FREM2: variants seen among roughly 807,000 people sequenced by gnomAD.
FREM2 encodes the protein FRAS1-related extracellular matrix protein 2.
In FREM2, 119 loss-of-function variants were observed where a neutral mutation model predicts 219.9. The ratio of observed to expected loss-of-function variants is 0.54; its 90% CI spans 0.47 to 0.63. The LOEUF is 0.63. Among genes scored for constraint, FREM2 ranks in the 30% least tolerant of loss-of-function variants. FREM2 has a pLI of 0.00. For missense variants in FREM2, 4,030 were observed against 3,993.6 expected, an observed-to-expected ratio of 1.01 and a Z score of -0.25; for synonymous variants, 1,562 against 1,522.8, an observed-to-expected ratio of 1.03 and a Z score of -0.60.
intron 6 of FREM2, among the ~76,000 whole-genome samples, chr13:38,805,107 T>C (rs570063978): frequency 6.6e-6 from 1 of 152,174 alleles, no homozygotes; most frequent in South Asian, 2.1e-4. Context: ...TCATTGGCAG[T>C]AGAGCCTGGA....
chr13:38,878,425 C>A, intron 22 of FREM2, 104 bp downstream of exon 22: 1 of 494,140 alleles, frequency 2.0e-6, no homozygotes, highest in Non-Finnish European at 3.5e-6. Context: ...ACACTATAGT[C>A]CCAGCACTTT....
intron 2 of FREM2, among the ~76,000 whole-genome samples, chr13:38,745,448 T>G (rs1477637527): frequency 6.6e-6 from 1 of 152,186 alleles, no homozygotes; most frequent in African/African-American, 2.4e-5. Context: ...ACCTCTTTAT[T>G]TTTCATTGTG....
intron 2 of FREM2, among the ~76,000 whole-genome samples, chr13:38,698,742 C>T (rs1429636560): frequency 6.6e-6 from 1 of 152,144 alleles, no homozygotes; most frequent in Non-Finnish European, 1.5e-5. Flanking sequence ...CTCAAAAATA[C>T]TGCATCCTTA....
At chr13:38,698,730 A>G (rs541148411) in intron 2 of FREM2, among the ~76,000 whole-genome samples, 4 of 152,320 alleles carry the variant, frequency 2.6e-5, no homozygotes, top group South Asian at 2.1e-4. Context: ...TATGTCGTCT[A>G]TCTCAAAAAT....
At position 38,692,497 on chromosome 13, in the gene FREM2, G is replaced by T. The variant is rs777698034; in HGVS notation, c.5153G>T (p.Ser1718Ile). 5.6e-6 allele frequency: 9 copies of T among 1,611,744 alleles called. 1 individual carries two copies. The South Asian group carries it at 9.9e-5, about 18-fold the overall frequency. ...YLLNLDKGNH[S>I]ITQFTQADID... is the part of the protein sequence containing the mutation. ...CTCAACCTGGACAAAGGCAACCACA[G>T]CATCACTCAGTTCACACAAGGTATG... The change falls in exon 1 of 24, where the codon AGC becomes ATC. Residue 1718 changes from serine (S) to isoleucine (I), a missense_variant. By Grantham distance (142) the Ser-to-Ile change is moderately radical. This residue lies in a region of FREM2 where 3,102 missense variants were observed against 2,950.7 expected (regional missense o/e 1.05). Transcript: ENST00000280481.
chr13:38,830,627 A>G (rs919315303), intron 6 of FREM2, among the ~76,000 whole-genome samples: 1 of 152,106 alleles, frequency 6.6e-6, no homozygotes, highest in African/African-American at 2.4e-5. Context: ...CCTGGCTCTC[A>G]CCTTAACTTC....
chr13:38,846,041 A>G (rs1440816772), intron 6 of FREM2, among the ~76,000 whole-genome samples: 1 of 152,174 alleles, frequency 6.6e-6, no homozygotes, highest in Non-Finnish European at 1.5e-5. Flanking sequence ...ACTAGCAATC[A>G]TATATTCAGT....
intron 4 of FREM2, among the ~76,000 whole-genome samples, chr13:38,774,149 C>T (rs1181742143): frequency 6.6e-6 from 1 of 152,008 alleles, no homozygotes; most frequent in Non-Finnish European, 1.5e-5. Context: ...CGTTGTTTTA[C>T]TTATCTTGTA....
chr13:38,864,233 G>A, intron 15 of FREM2, 42 bp from the exon 16 acceptor site: 1 of 1,485,686 alleles, frequency 6.7e-7, no homozygotes. Context: ...AAAATTCTTG[G>A]CTACTTGAAA....
rs372106078 is a variant in FREM2 at position 38,697,816 on chromosome 13, C to G, written c.5263+29C>G. The G allele has an allele frequency of 3.2e-6, 4 of 1,258,768 alleles. No homozygotes were observed. The Admixed American group carries it at 6.7e-5, about 21-fold the overall frequency. The allele number at this position is 1,258,768 out of a possible 1,614,324, so 78.0% of individuals were successfully genotyped here. A position where few individuals can be genotyped will look rare whatever the true frequency, so the allele number is the denominator to read the frequency against. On this transcript the variant is annotated intron_variant, in intron 2 of 23. Transcript: ENST00000280481. ...AGTATTCCCCTCTCCTGGTAGTGACCGCAAGGAGAGACGCTTTTCTTGGTT... is the reference window on the plus strand; with the variant it reads ...AGTATTCCCCTCTCCTGGTAGTGACGGCAAGGAGAGACGCTTTTCTTGGTT...
chr13:38,691,174 T>G lies in FREM2; in HGVS notation c.3830T>G (p.Phe1277Cys), dbSNP rs1437152125. The G allele has an allele frequency of 6.8e-6, 11 of 1,614,090 alleles. No individual in the cohort carries two copies. Among genetic ancestry groups the G allele is most frequent in the African/African-American group, 1.3e-5 (1 of 75,012 alleles). ...GACTCCGAGACCCAGGAAGACAGTTTTGTGATTAAACTAACAGATGGGAAG... is the reference window on the plus strand; with the variant it reads ...GACTCCGAGACCCAGGAAGACAGTTGTGTGATTAAACTAACAGATGGGAAG... ...HDDSETQEDS[F>C]VIKLTDGKHS... Residue 1277 changes from phenylalanine to cysteine, a missense_variant, in exon 1 of 24, where the codon TTT becomes TGT. Phe to Cys is a radical substitution (Grantham distance 205, BLOSUM62 -2). Coordinates refer to ENST00000280481, the MANE Select transcript of FREM2 (RefSeq NM_207361.6).
intron 6 of FREM2, among the ~76,000 whole-genome samples, chr13:38,814,183 A>G (rs1875662110): frequency 6.6e-6 from 1 of 152,034 alleles, no homozygotes; most frequent in African/African-American, 2.4e-5. Flanking sequence ...TTTCTCCAGG[A>G]TTGGTCCCTG....
intron 2 of FREM2, among the ~76,000 whole-genome samples, chr13:38,754,397 T>C (rs986729539): frequency 3.9e-5 from 6 of 152,078 alleles, no homozygotes; most frequent in African/African-American, 1.4e-4. Flanking sequence ...TTAAGCAAAT[T>C]AGAATTAAGC....
chr13:38,864,694 G>A (rs1877895273), intron 16 of FREM2, 88 bp downstream of exon 16: 1 of 1,159,490 alleles, frequency 8.6e-7, no homozygotes, highest in African/African-American at 1.5e-5. Flanking sequence ...CCCAACTCCA[G>A]TTTTCCATCT....
At chr13:38,779,815 T>C (rs1874043877) in intron 4 of FREM2, among the ~76,000 whole-genome samples, 1 of 152,220 alleles carries the variant, frequency 6.6e-6, no homozygotes, top group African/African-American at 2.4e-5. Flanking sequence ...TCTCAGTTCT[T>C]CACTCATGTG....
intron 6 of FREM2, among the ~76,000 whole-genome samples, chr13:38,836,443 A>G (rs1231899880): frequency 2.0e-5 from 3 of 152,092 alleles, no homozygotes; most frequent in African/African-American, 7.2e-5. Flanking sequence ...TGGTATCAGG[A>G]TGATGCTGGC....
intron 4 of FREM2, among the ~76,000 whole-genome samples, chr13:38,781,049 C>A (rs1415589452): frequency 6.6e-6 from 1 of 152,204 alleles, no homozygotes; most frequent in Non-Finnish European, 1.5e-5. Context: ...ATATCTTACT[C>A]TGAGTAAAAA....
chr13:38,879,258 A>G (rs1435342172), intron 23 of FREM2, among the ~76,000 whole-genome samples: 2 of 152,238 alleles, frequency 1.3e-5, no homozygotes, highest in Admixed American at 6.5e-5. Context: ...TTTTAAGACT[A>G]TGTGTAATGA....
chr13:38,717,412 C>CTTTTTTTTTTT (rs386378868), intron 2 of FREM2, among the ~76,000 whole-genome samples: 3 of 90,150 alleles, frequency 3.3e-5, no homozygotes, highest in African/African-American at 4.1e-5. Context: ...TACATAAGTA[C>CTTTTTTTTTTT]TTTTTTTTTT....
Sources: gnomAD v4.1 joint callset for allele counts (sites outside exome capture counted in the v4.1 genomes callset) on GRCh38, gnomAD v4.1.1 for gene constraint, gnomAD v4.1.1 regional missense constraint, MANE v1.5 for transcripts, NCBI Gene and HGNC (gene_info 2026-07-23, HGNC 2026-07-21) for gene names.